Variants in CCDC85C observed in about 807,000 individuals in gnomAD.
CCDC85C encodes coiled-coil domain-containing protein 85C.
In CCDC85C, 18 loss-of-function variants were observed where a neutral mutation model predicts 38.3. The observed-to-expected ratio is 0.47, with a 90% CI of 0.33 to 0.70. The LOEUF (loss-of-function observed/expected upper bound fraction) is 0.70, where lower values mean the gene tolerates loss of function less well. Ranked by LOEUF, CCDC85C falls within the 30% of genes least tolerant of loss-of-function variation. The pLI is 0.03. For synonymous variants in CCDC85C, 264 were observed against 293.8 expected, an observed-to-expected ratio of 0.90 and a Z score of 1.04; for missense variants, 566 against 621.2, an observed-to-expected ratio of 0.91 and a Z score of 0.94.
chr14:99,567,039 G>C (rs1898229089), intron 1 of CCDC85C, among the ~76,000 whole-genome samples: 1 of 152,158 alleles, frequency 6.6e-6, no homozygotes, highest in African/African-American at 2.4e-5. Context: ...GCCAAGCCAA[G>C]AGCCACCCAA....
chr14:99,537,718 C>T (rs1897631347), intron 1 of CCDC85C, among the ~76,000 whole-genome samples: 1 of 152,206 alleles, frequency 6.6e-6, no homozygotes, highest in Admixed American at 6.5e-5. Context: ...CTCAGGGTGA[C>T]CTCAGAGCCT....
chr14:99,525,417 C>T (rs1297201522), intron 2 of CCDC85C, among the ~76,000 whole-genome samples: 1 of 152,208 alleles, frequency 6.6e-6, no homozygotes, highest in African/African-American at 2.4e-5. Flanking sequence ...AAACAGAGCC[C>T]ACCCACCCCA....
At chr14:99,518,540 G>T (rs761653599) in intron 3 of CCDC85C, among the ~76,000 whole-genome samples, 1 of 151,378 alleles carries the variant, frequency 6.6e-6, no homozygotes, top group Non-Finnish European at 1.5e-5. Flanking sequence ...ACCCAACAGG[G>T]ACGCTGGGGA....
At position 99,569,937 on chromosome 14, in the gene CCDC85C, G is replaced by A. The variant is rs1031953613; in HGVS notation, c.793+33230C>T. Among the ~76,000 whole-genome samples, 7 of 151,984 alleles carry A rather than the reference G, an allele frequency of 4.6e-5. No homozygotes were observed. Among genetic ancestry groups the A allele is most frequent in the Non-Finnish European group, 1.0e-4 (7 of 67,984 alleles). Reference sequence around the variant, plus strand: ...TGATAGTGTCACTGCACTCCAGCCTGGGTGACACAGCAACACACTGTCTCA... The same window carrying A: ...TGATAGTGTCACTGCACTCCAGCCTAGGTGACACAGCAACACACTGTCTCA... On this transcript the variant is annotated intron_variant, in intron 1 of 5. Coordinates refer to ENST00000380243, the MANE Select transcript of CCDC85C (RefSeq NM_001144995.2). This position sits in a 1 kb window ranked among gnomAD's most constrained non-coding sequence, Gnocchi z 4.3.
chr14:99,517,207 C>T, intron 3 of CCDC85C, 24 bp from the exon 4 acceptor site: 1 of 1,508,414 alleles, frequency 6.6e-7, no homozygotes, highest in Non-Finnish European at 8.9e-7. Flanking sequence ...TCACACATCT[C>T]AGCTCACCCT....
At chr14:99,568,341 G>C (rs183497528) in intron 1 of CCDC85C, among the ~76,000 whole-genome samples, 66 of 145,812 alleles carry the variant, frequency 4.5e-4, no homozygotes, top group Non-Finnish European at 1.5e-5. Context: ...TAGTCTCATG[G>C]GTTCATGCGC....
At chr14:99,537,089 C>T (rs1368951075) in intron 1 of CCDC85C, among the ~76,000 whole-genome samples, 2 of 152,132 alleles carry the variant, frequency 1.3e-5, no homozygotes, top group Non-Finnish European at 1.5e-5. Flanking sequence ...CTGTGAGCCA[C>T]GAAGCCACCT....
chr14:99,503,832 T>C lies in CCDC85C; in HGVS notation c.*11414A>G. On this transcript the variant is annotated 3_prime_UTR_variant, in exon 6 of 6. Coordinates refer to ENST00000380243, the MANE Select transcript of CCDC85C (RefSeq NM_001144995.2). Reference sequence around the variant, plus strand: ...GATCATAGATTCTAAAATTGTGCTCTTACGAAGCTATCAGTACAGAAAACA... The same window carrying C: ...GATCATAGATTCTAAAATTGTGCTCCTACGAAGCTATCAGTACAGAAAACA... 4 of 591,782 alleles carry C rather than the reference T, an allele frequency of 6.8e-6. No homozygotes were observed. The South Asian group carries it at 8.6e-5, about 13-fold the overall frequency. 36.7% of individuals were successfully genotyped at this position (591,782 alleles called of 1,614,324 possible).
At chr14:99,602,342 C>T (rs531811073) in intron 1 of CCDC85C, among the ~76,000 whole-genome samples, 1 of 152,316 alleles carries the variant, frequency 6.6e-6, no homozygotes, top group East Asian at 1.9e-4. Context: ...CTGACAGAGG[C>T]CAAAGTTCCT....
chr14:99,556,632 TC>T (rs1898015903), intron 1 of CCDC85C, among the ~76,000 whole-genome samples: 1 of 152,094 alleles, frequency 6.6e-6, no homozygotes, highest in Non-Finnish European at 1.5e-5. Context: ...CAGGCAATCC[TC>T]CCACCTCAGC....
Position 99,509,873 on chromosome 14 carries a change from A to C in CCDC85C, c.*5373T>G. Reference sequence around the variant, plus strand: ...AAGAGGGGGCTGGGGCCAGGGCACAAGGGGGCTTCGGGTGCTGCCGAGACT... The same window carrying C: ...AAGAGGGGGCTGGGGCCAGGGCACACGGGGGCTTCGGGTGCTGCCGAGACT... On this transcript the variant is annotated 3_prime_UTR_variant, in exon 6 of 6. Coordinates refer to ENST00000380243, the MANE Select transcript of CCDC85C (RefSeq NM_001144995.2). 2.0e-6 allele frequency: 1 copy of C among 498,008 alleles called. No homozygotes were observed. Among genetic ancestry groups the C allele is most frequent in the Admixed American group, 3.8e-5 (1 of 26,302 alleles). The allele number at this position is 498,008 out of a possible 1,614,324, so 30.8% of individuals were successfully genotyped here. A position where few individuals can be genotyped will look rare whatever the true frequency, so the allele number is the denominator to read the frequency against.
chr14:99,603,414 G>T lies in CCDC85C; in HGVS notation c.546C>A (p.Ser182Arg). The change falls in exon 1 of 6, where the codon AGC becomes AGA. Residue 182 changes from serine to arginine, a missense_variant. Ser to Arg is a moderately radical substitution (Grantham distance 110). Coordinates refer to ENST00000380243, the MANE Select transcript of CCDC85C (RefSeq NM_001144995.2). This position sits in a 1 kb window ranked among gnomAD's most constrained non-coding sequence, Gnocchi z 7.5. ...ACAGCGGCCCGCTCAGGCTGGCCTG[G>T]CTGTCGATGGAGCTGCGGGAGCCGG... ...GGAGSRSSID[S>R]QASLSGPLSG... 1.6e-6 allele frequency: 2 copies of T among 1,268,872 alleles called. No individual in the cohort carries two copies. The highest frequency in any genetic ancestry group is 2.0e-6 in the Non-Finnish European group (2 of 1,011,906). The allele number at this position is 1,268,872 out of a possible 1,614,324, so 78.6% of individuals were successfully genotyped here.
chr14:99,510,891 C>G lies in CCDC85C; in HGVS notation c.*4355G>C. 1.0e-6 allele frequency: 1 copy of G among 975,094 alleles called. No homozygotes were observed. The highest frequency in any genetic ancestry group is 1.4e-6 in the Non-Finnish European group (1 of 733,532). The allele number at this position is 975,094 out of a possible 1,614,324, so 60.4% of individuals were successfully genotyped here. On this transcript the variant is annotated 3_prime_UTR_variant, in exon 6 of 6. Coordinates refer to ENST00000380243, the MANE Select transcript of CCDC85C (RefSeq NM_001144995.2). Reference sequence around the variant, plus strand: ...TACCTTGTATAATGCACGACAGTTGCAGTATGGGAAGAATGGACCGGGCCC... The same window carrying G: ...TACCTTGTATAATGCACGACAGTTGGAGTATGGGAAGAATGGACCGGGCCC...
rs1353826371 is a variant in CCDC85C, at chr14:99,588,438, G to A, written c.793+14729C>T. 6.6e-6 allele frequency among the ~76,000 whole-genome samples: 1 copy of A among 152,064 alleles called. No individual in the cohort carries two copies. Among genetic ancestry groups the A allele is most frequent in the Non-Finnish European group, 1.5e-5 (1 of 68,032 alleles). On this transcript the variant is annotated intron_variant, in intron 1 of 5. Coordinates refer to ENST00000380243, the MANE Select transcript of CCDC85C (RefSeq NM_001144995.2). The surrounding 1 kb of genome is among the most constrained non-coding windows in gnomAD (Gnocchi z 5.0). Reference sequence around the variant, plus strand: ...CAGTCAATGCCTGTATATTTACCCAGAGAAAAGAGAGCCCACGGACCCATC... The same window carrying A: ...CAGTCAATGCCTGTATATTTACCCAAAGAAAAGAGAGCCCACGGACCCATC...
chr14:99,586,928 C>T (rs994891408), intron 1 of CCDC85C, among the ~76,000 whole-genome samples: 27 of 152,344 alleles, frequency 1.8e-4, no homozygotes, highest in African/African-American at 6.3e-4. Flanking sequence ...CAGCCACGGG[C>T]GGCACTCCCG....
chr14:99,572,035 C>T lies in CCDC85C; in HGVS notation c.793+31132G>A, dbSNP rs150758333. Among the ~76,000 whole-genome samples the T allele has an allele frequency of 3.3e-4, 51 of 152,292 alleles. No individual in the cohort carries two copies. The highest frequency in any genetic ancestry group is 1.2e-3 in the African/African-American group (49 of 41,552). On this transcript the variant is annotated intron_variant, in intron 1 of 5. Transcript: ENST00000380243. The surrounding 1 kb of genome is among the most constrained non-coding windows in gnomAD (Gnocchi z 4.4). ...AGACTGCCTGCAGCAGGCACCCTTC[C>T]ACGGGGCATCTCAGAGCGTGATCCC... is the stretch of plus-strand genomic sequence containing the variant.
At position 99,527,223 on chromosome 14, in the gene CCDC85C, T is replaced by C. The variant is rs1323598442; in HGVS notation, c.868-4983A>G. Among the ~76,000 whole-genome samples, 4 of 152,088 alleles carry C rather than the reference T, an allele frequency of 2.6e-5. No homozygotes were observed. The East Asian group carries it at 5.8e-4, about 22-fold the overall frequency. On this transcript the variant is annotated intron_variant, in intron 2 of 5. Coordinates refer to ENST00000380243, the MANE Select transcript of CCDC85C (RefSeq NM_001144995.2). ...GTAGACTTGGCACTGTGTAATGACG[T>C]TGTTGGTTTATCGTCTGTCTGCATG...
Position 99,514,089 on chromosome 14 carries a change from GCC to G in CCDC85C, c.*1155_*1156del. On this transcript the variant is annotated 3_prime_UTR_variant, in exon 6 of 6. Transcript: ENST00000380243. ...AGCAGAACTCAGCTCCACCCGGCCCGCCCTCAGCCGTCGGCTGTTGGCTCACG... is the reference window on the plus strand; with the variant it reads ...AGCAGAACTCAGCTCCACCCGGCCCGCTCAGCCGTCGGCTGTTGGCTCACG... 6.6e-6 allele frequency: 1 copy of G among 152,340 alleles called. No homozygotes were observed. The highest frequency in any genetic ancestry group is 2.4e-5 in the African/African-American group (1 of 41,466). 9.4% of individuals were successfully genotyped at this position (152,340 alleles called of 1,614,324 possible). A position where few individuals can be genotyped will look rare whatever the true frequency, so the allele number is the denominator to read the frequency against.
intron 1 of CCDC85C, among the ~76,000 whole-genome samples, chr14:99,565,083 A>G (rs1898190161): frequency 2.0e-5 from 3 of 152,084 alleles, no homozygotes; most frequent in Non-Finnish European, 4.4e-5. Context: ...GCTTTTAGTC[A>G]TGGGCCGGTG....
Sources: allele counts gnomAD v4.1 joint callset (sites outside exome capture counted in the v4.1 genomes callset), GRCh38; gene constraint gnomAD v4.1.1; non-coding constraint Gnocchi (gnomAD v3.1); transcripts MANE v1.5; gene names NCBI Gene and HGNC (gene_info 2026-07-23, HGNC 2026-07-21).